Variants in CSMD1 observed in about 807,000 individuals in gnomAD.
CSMD1 encodes CUB and Sushi multiple domains 1.
A neutral mutation model predicts 417.5 loss-of-function variants in CSMD1; 213 were observed. The ratio of observed to expected loss-of-function variants is 0.51; its 90% confidence interval spans 0.46 to 0.57. The LOEUF is 0.57. CSMD1 is among the 20% of genes least tolerant of loss of function. The probability of loss-of-function intolerance (pLI) is 0.00; values close to 1 mark genes in which losing one functional copy is unlikely to be tolerated. For synonymous variants in CSMD1, 2,862 were observed against 1,736.8 expected (o/e 1.65, Z -16.11); for missense variants, 6,923 against 4,529.7 (o/e 1.53, Z -15.17).
At chr8:3,601,790 A>G (rs966587534) in intron 8 of CSMD1, among the ~76,000 whole-genome samples, 1 of 152,296 alleles carries the variant, frequency 6.6e-6, no homozygotes, top group Admixed American at 6.5e-5. Context: ...AATGTTTCCA[A>G]TTCGTTTAAA....
At chr8:3,914,359 C>G (rs548438740) in intron 5 of CSMD1, among the ~76,000 whole-genome samples, 1 of 152,066 alleles carries the variant, frequency 6.6e-6, no homozygotes, top group East Asian at 1.9e-4. Flanking sequence ...TGTCCCATTA[C>G]GTTGGATAGA....
At chr8:4,759,156 C>A (rs572534168) in intron 1 of CSMD1, among the ~76,000 whole-genome samples, 9 of 152,310 alleles carry the variant, frequency 5.9e-5, no homozygotes, top group African/African-American at 2.2e-4. Flanking sequence ...GTAAAGGCCT[C>A]AGCCTGCCTG....
At chr8:4,728,855 T>G (rs293879) in intron 1 of CSMD1, among the ~76,000 whole-genome samples, 93,986 of 151,944 alleles carry the variant, frequency 0.62, 31,000 homozygotes, top group East Asian at 0.86. Flanking sequence ...CTACTGAGAT[T>G]AATAAAAGAG....
intron 1 of CSMD1, among the ~76,000 whole-genome samples, chr8:4,799,062 C>A (rs1025762559): frequency 6.6e-6 from 1 of 152,172 alleles, no homozygotes; most frequent in Admixed American, 6.5e-5. Context: ...GGACAGAGGT[C>A]AGGGCTTGCA....
intron 23 of CSMD1, among the ~76,000 whole-genome samples, chr8:3,316,352 C>T (rs977449155): frequency 6.6e-6 from 1 of 151,718 alleles, no homozygotes; most frequent in African/African-American, 2.4e-5. Context: ...CTATCAGGAA[C>T]TTTTTTGGGG....
intron 10 of CSMD1, among the ~76,000 whole-genome samples, chr8:3,536,451 G>A (rs1271115933): frequency 6.6e-6 from 1 of 152,224 alleles, no homozygotes; most frequent in Non-Finnish European, 1.5e-5. Context: ...CCAATGGGCT[G>A]AGTGAAGTTG....
At chr8:4,218,985 G>A (rs1051225440) in intron 3 of CSMD1, among the ~76,000 whole-genome samples, 2 of 152,148 alleles carry the variant, frequency 1.3e-5, no homozygotes, top group Non-Finnish European at 2.9e-5. Flanking sequence ...TACTCCCGGT[G>A]TACAGCAATT....
intron 1 of CSMD1, among the ~76,000 whole-genome samples, chr8:4,958,253 GA>G (rs1270059856): frequency 6.6e-6 from 1 of 152,020 alleles, no homozygotes; most frequent in Non-Finnish European, 1.5e-5. Flanking sequence ...TATGAGATTA[GA>G]AAAACAGGTT....
chr8:3,882,347 T>C (rs1806263698), intron 5 of CSMD1, among the ~76,000 whole-genome samples: 1 of 152,208 alleles, frequency 6.6e-6, no homozygotes, highest in Non-Finnish European at 1.5e-5. Flanking sequence ...ATCTCGACGA[T>C]GACAGAATAC....
At chr8:4,101,841 T>C (rs1380761480) in intron 3 of CSMD1, among the ~76,000 whole-genome samples, 4 of 152,018 alleles carry the variant, frequency 2.6e-5, no homozygotes, top group African/African-American at 9.7e-5. Context: ...CATCTCTGAA[T>C]TGAATCTGAA....
chr8:3,762,836 C>T (rs1212156496), intron 5 of CSMD1, among the ~76,000 whole-genome samples: 1 of 152,154 alleles, frequency 6.6e-6, no homozygotes, highest in Non-Finnish European at 1.5e-5. Flanking sequence ...AAGGCAGCTG[C>T]CAGAGTAAGC....
At chr8:3,080,766 GTAGATA>G (rs1331646096) in intron 49 of CSMD1, among the ~76,000 whole-genome samples, 1 of 152,130 alleles carries the variant, frequency 6.6e-6, no homozygotes, top group Non-Finnish European at 1.5e-5. Context: ...ATTCTGGGAC[GTAGATA>G]TCAAAATCTC....
rs114396059 is a variant in CSMD1 at position 3,630,641 on chromosome 8, C to G, written c.1010-13844G>C. ...GGCATGCTGAGTGAGGGTTGAAGGG[C>G]AGCAGACAGATTTCATTGCGTTCGA... On this transcript the variant is annotated intron_variant, in intron 7 of 69. Coordinates refer to ENST00000635120, the MANE Select transcript of CSMD1 (RefSeq NM_033225.6). Among the ~76,000 whole-genome samples, 450 of 152,248 alleles carry G rather than the reference C, an allele frequency of 3.0e-3. 1 individual carries two copies. Among genetic ancestry groups the G allele is most frequent in the African/African-American group, 0.01 (427 of 41,550 alleles).
chr8:3,559,581 G>A (rs868429334), intron 10 of CSMD1, among the ~76,000 whole-genome samples: 4 of 152,096 alleles, frequency 2.6e-5, no homozygotes, highest in African/African-American at 7.2e-5. Context: ...TAAACACAGA[G>A]ATACAAGTCT....
intron 50 of CSMD1, among the ~76,000 whole-genome samples, chr8:3,032,347 C>T (rs1333071358): frequency 6.6e-6 from 1 of 151,918 alleles, no homozygotes; most frequent in South Asian, 2.1e-4. Context: ...AGACCATTTT[C>T]CCTAAAGAGT....
intron 8 of CSMD1, among the ~76,000 whole-genome samples, chr8:3,605,436 C>G (rs1315189126): frequency 1.3e-5 from 2 of 152,154 alleles, no homozygotes; most frequent in African/African-American, 4.8e-5. Flanking sequence ...ATAATAAAAC[C>G]AATGCAGCAA....
At chr8:4,283,678 A>C (rs35107678) in intron 3 of CSMD1, among the ~76,000 whole-genome samples, 61 of 152,164 alleles carry the variant, frequency 4.0e-4, no homozygotes, top group Non-Finnish European at 4.4e-5. Flanking sequence ...AGTTTTCCAC[A>C]TTCACTTAGG....
chr8:3,837,123 G>A (rs995763393), intron 5 of CSMD1, among the ~76,000 whole-genome samples: 2 of 147,278 alleles, frequency 1.4e-5, no homozygotes, highest in Non-Finnish European at 3.0e-5. Flanking sequence ...AGTATTAAAT[G>A]CAAAAATTGA....
At chr8:3,958,316 CTCTCT>C (rs71534375) in intron 5 of CSMD1, among the ~76,000 whole-genome samples, 44,444 of 128,834 alleles carry the variant, frequency 0.34, 6,997 homozygotes, top group East Asian at 0.5. Flanking sequence ...TTTTTAAACT[CTCTCT>C]TTTTTTTTTT....
Sources: allele counts gnomAD v4.1 joint callset (sites outside exome capture counted in the v4.1 genomes callset), GRCh38; gene constraint gnomAD v4.1.1; transcripts MANE v1.5; gene names NCBI Gene and HGNC (gene_info 2026-07-23, HGNC 2026-07-21).